Variants in TBX2 observed in about 807,000 individuals in gnomAD.
The protein encoded by TBX2 is T-box transcription factor 2, also known as T-box transcription factor TBX2.
A neutral mutation model predicts 48.4 loss-of-function variants in TBX2; 19 were observed. The observed-to-expected ratio is 0.39, with a 90% CI of 0.27 to 0.58. The LOEUF is 0.58. Among genes scored for constraint, TBX2 ranks in the 20% least tolerant of loss-of-function variants. TBX2 has a pLI of 0.54. For missense variants in TBX2, 994 were observed against 1,006.5 expected (o/e 0.99, Z 0.17); for synonymous variants, 522 against 459.7 (o/e 1.14, Z -1.73).
In TBX2 at chr17:61,408,188, C is replaced by A; in HGVS notation, c.1821C>A (p.Ser607=). 6.2e-7 allele frequency: 1 copy of A among 1,612,864 alleles called. No homozygotes were observed. Among genetic ancestry groups the A allele is most frequent in the Non-Finnish European group, 8.5e-7 (1 of 1,179,860 alleles). ...AAAAAAAGSL[S]RSPFLGSARP... ...CCGCCGCAGCCGCCGGCTCCCTCTC[C>A]CGGAGCCCCTTCCTGGGCAGTGCCC... Residue 607 remains serine, a synonymous_variant, in exon 7 of 7, where the codon TCC becomes TCA. Transcript: ENST00000240328.
intron 2 of TBX2, 144 bp downstream of exon 2, chr17:61,402,095 G>T: frequency 3.1e-6 from 4 of 1,273,318 alleles, no homozygotes; most frequent in Non-Finnish European, 4.2e-6. Flanking sequence ...ACTGCCCTGT[G>T]GTCTACGTGG....
rs2060273316 is a variant in TBX2 at position 61,403,374 on chromosome 17, G to A, written c.810+167G>A. Among the ~76,000 whole-genome samples, 1 of 152,248 alleles carries A rather than the reference G, an allele frequency of 6.6e-6. No homozygotes were observed. Among genetic ancestry groups the A allele is most frequent in the African/African-American group, 2.4e-5 (1 of 41,478 alleles). ...ATCCATACGCGCAGCACTCACGGAA[G>A]TCCTCAAGGCGCCCTCTCAATCCCA... On this transcript the variant is annotated intron_variant, in intron 3 of 6. Transcript: ENST00000240328. This position sits in a 1 kb window ranked among gnomAD's most constrained non-coding sequence, Gnocchi z 5.8.
Position 61,408,140 on chromosome 17 carries a change from C to G in TBX2, c.1773C>G (p.Pro591=), listed in dbSNP as rs61756219. ...AAAAAAASAL[P]ATSAAAAAAA... is the part of the protein sequence containing the mutation. ...CAGCCGCAGCCGCCTCGGCTTTGCC[C>G]GCCACTAGTGCTGCAGCTGCCGCCG... Residue 591 remains proline (P), a synonymous_variant, in exon 7 of 7, where the codon CCC becomes CCG. Transcript: ENST00000240328. 6,314 of 1,611,492 alleles carry G rather than the reference C, an allele frequency of 3.9e-3. 11 individuals carry two copies. Among genetic ancestry groups the G allele is most frequent in the Non-Finnish European group, 4.7e-3 (5,509 of 1,179,346 alleles).
intron 2 of TBX2, 134 bp from the exon 3 acceptor site, chr17:61,402,927 C>CGAGAGAGAGAGAGA (rs1569015300): frequency 1.5e-5 from 5 of 323,728 alleles, no homozygotes; most frequent in Middle Eastern, 5.6e-4. Context: ...GAGGAAGAAC[C>CGAGAGAGAGAGAGA]GATAGAGAGA....
chr17:61,408,585 A>G lies in TBX2; in HGVS notation c.*79A>G. 7.9e-7 allele frequency: 1 copy of G among 1,271,050 alleles called. No homozygotes were observed. Among genetic ancestry groups the G allele is most frequent in the Admixed American group, 3.6e-5 (1 of 27,524 alleles). The allele number at this position is 1,271,050 out of a possible 1,614,324, so 78.7% of individuals were successfully genotyped here. On this transcript the variant is annotated 3_prime_UTR_variant, in exon 7 of 7. Coordinates refer to ENST00000240328, the MANE Select transcript of TBX2 (RefSeq NM_005994.4). Reference sequence around the variant, plus strand: ...GCTGCTTGGGACGTGTACAGCACAGAATGAGTATTTATTTAAATAAAGGAG... The same window carrying G: ...GCTGCTTGGGACGTGTACAGCACAGGATGAGTATTTATTTAAATAAAGGAG...
At position 61,405,230 on chromosome 17, in the gene TBX2, C is replaced by A. The variant is rs773051493; in HGVS notation, c.1080C>A (p.Ser360Arg). 3.2e-6 allele frequency: 5 copies of A among 1,560,462 alleles called. No homozygotes were observed. Among genetic ancestry groups the A allele is most frequent in the South Asian group, 1.2e-5 (1 of 84,746 alleles). Residue 360 changes from serine to arginine, a missense_variant, in exon 6 of 7, where the codon AGC becomes AGA. Transcript: ENST00000240328. ...AGGAGAAGTCGTGCGCCGCGGACAG[C>A]GACCCGGAGCCTGAGCGGTTGAGCG... Reference protein sequence around the residue: ...RAEEKSCAADSDPEPERLSEE... With the variant: ...RAEEKSCAADRDPEPERLSEE...
In TBX2 at chr17:61,405,262, G is replaced by C. The variant is rs759112967; in HGVS notation, c.1112G>C (p.Arg371Pro). 3.2e-6 allele frequency: 5 copies of C among 1,571,580 alleles called. No individual in the cohort carries two copies. In the South Asian group the frequency reaches 5.8e-5, roughly 18 times the overall value. ...GAGCCTGAGCGGTTGAGCGAGGAGC[G>C]TGCGGGGGCGCCGCTAGGCCGCAGC... ...DPEPERLSEE[R>P]AGAPLGRSPA... The change falls in exon 6 of 7, where the codon CGT becomes CCT. Residue 371 changes from arginine (R) to proline (P), a missense_variant. By Grantham distance (103) the Arg-to-Pro change is moderately radical (BLOSUM62 -2). Transcript: ENST00000240328.
chr17:61,402,776 CTG>C (rs1427632971), intron 2 of TBX2, among the ~76,000 whole-genome samples: 1 of 150,484 alleles, frequency 6.6e-6, no homozygotes, highest in Admixed American at 6.6e-5. Flanking sequence ...TGTTTTTGCT[CTG>C]TCTCATTTCT....
In TBX2 at chr17:61,405,307, GC is replaced by G; in HGVS notation, c.1161del (p.Thr388LeufsTer3). On this transcript the variant is annotated frameshift_variant, in exon 6 of 7. Transcript: ENST00000240328. LOFTEE classifies it high-confidence loss of function. ...CGCAGCCCGGCTCCAGACAGCGCCAGCCCCACTCGCTTGACCGAACCCGAGC... is the reference window on the plus strand; with the variant it reads ...CGCAGCCCGGCTCCAGACAGCGCCAGCCCACTCGCTTGACCGAACCCGAGC... ...LGRSPAPDSA[S>X]PTRLTEPERA... The G allele has an allele frequency of 6.4e-7, 1 of 1,554,316 alleles. No individual in the cohort carries two copies.
chr17:61,405,740 G>A lies in TBX2; in HGVS notation c.1590G>A (p.Ala530=). The change falls in exon 6 of 7, where the codon GCG becomes GCA. Residue 530 remains alanine (A), a synonymous_variant. Coordinates refer to ENST00000240328, the MANE Select transcript of TBX2 (RefSeq NM_005994.4). Reference sequence around the variant, plus strand: ...GAGGTGGCGGGCCTGGGACCGCCGCGGGGCTGGACGCAGGCGGGCTGGGTC... The same window carrying A: ...GAGGTGGCGGGCCTGGGACCGCCGCAGGGCTGGACGCAGGCGGGCTGGGTC... ...NGGGGGPGTA[A]GLDAGGLGPA... is the part of the protein sequence containing the mutation. 7.4e-7 allele frequency: 1 copy of A among 1,351,568 alleles called. No individual in the cohort carries two copies. The highest frequency in any genetic ancestry group is 3.1e-5 in the East Asian group (1 of 32,570). 83.7% of individuals were successfully genotyped at this position (1,351,568 alleles called of 1,614,324 possible).
Position 61,400,578 on chromosome 17 carries a change from C to G in TBX2, c.395+7C>G. 6 of 1,537,516 alleles carry G rather than the reference C, an allele frequency of 3.9e-6. No homozygotes were observed. The highest frequency in any genetic ancestry group is 5.3e-6 in the Non-Finnish European group (6 of 1,139,182). On this transcript the variant is annotated splice_region_variant and intron_variant, in intron 1 of 6. Coordinates refer to ENST00000240328, the MANE Select transcript of TBX2 (RefSeq NM_005994.4). The surrounding 1 kb of genome is among the most constrained non-coding windows in gnomAD (Gnocchi z 9.2). ...TCATCACCAAGTCCGGGAGGTAGGG[C>G]TGCCGGCCGGCTGGAAGGCGCGCGG...
Position 61,405,611 on chromosome 17 carries a change from G to A in TBX2, c.1461G>A (p.Gln487=). Residue 487 remains glutamine, a synonymous_variant, in exon 6 of 7, where the codon CAG becomes CAA. Coordinates refer to ENST00000240328, the MANE Select transcript of TBX2 (RefSeq NM_005994.4). ...TCTTTGGGCCGCTGGGAGCCGGCCA[G>A]CCGCTCTTCCTGCACCCTGGACAGT... The part of the protein sequence containing the change: ...QQFFGPLGAG[Q]PLFLHPGQFT... 2 of 1,592,680 alleles carry A rather than the reference G, an allele frequency of 1.3e-6. No individual in the cohort carries two copies. The highest frequency in any genetic ancestry group is 8.5e-7 in the Non-Finnish European group (1 of 1,174,052).
chr17:61,403,672 G>A lies in TBX2; in HGVS notation c.810+465G>A, dbSNP rs1023227293. On this transcript the variant is annotated intron_variant, in intron 3 of 6. Transcript: ENST00000240328. This position sits in a 1 kb window ranked among gnomAD's most constrained non-coding sequence, Gnocchi z 5.8. ...GGGACAGGTGACACAGCCCCCCAAAGCACTCCTGGCTACTGCTCTGGGTCA... is the reference window on the plus strand; with the variant it reads ...GGGACAGGTGACACAGCCCCCCAAAACACTCCTGGCTACTGCTCTGGGTCA... 6.6e-6 allele frequency among the ~76,000 whole-genome samples: 1 copy of A among 152,002 alleles called. No homozygotes were observed. Among genetic ancestry groups the A allele is most frequent in the African/African-American group, 2.4e-5 (1 of 41,380 alleles).
In TBX2 at chr17:61,408,065, G is replaced by T. The variant is rs1288349046; in HGVS notation, c.1698G>T (p.Met566Ile). The change falls in exon 7 of 7, where the codon ATG becomes ATT. Residue 566 changes from methionine to isoleucine, a missense_variant. Met to Ile is a conservative substitution (Grantham distance 10). Transcript: ENST00000240328. ...QHMLASQGIPMPTFGGLFPYP... is the reference protein window; with the variant it reads ...QHMLASQGIPIPTFGGLFPYP... ...TCTGTTTCTTCCAGGGAATTCCAAT[G>T]CCCACTTTCGGAGGCCTCTTCCCCT... 6.3e-7 allele frequency: 1 copy of T among 1,583,200 alleles called. No homozygotes were observed.
chr17:61,403,019 C>CCGGGGCTG lies in TBX2; in HGVS notation c.664-41_664-34dup. 6.4e-7 allele frequency: 1 copy of CCGGGGCTG among 1,574,380 alleles called. No homozygotes were observed. Among genetic ancestry groups the CCGGGGCTG allele is most frequent in the African/African-American group, 1.4e-5 (1 of 71,034 alleles). On this transcript the variant is annotated intron_variant, in intron 2 of 6. Coordinates refer to ENST00000240328, the MANE Select transcript of TBX2 (RefSeq NM_005994.4). This position sits in a 1 kb window ranked among gnomAD's most constrained non-coding sequence, Gnocchi z 5.8. ...TACCCAAAGAATAGAAAAGCTCGGG[C>CCGGGGCTG]CGGGGCTGGTGGCTGCCGGCTGACC...
rs1401043279 is a variant in TBX2 at position 61,404,717 on chromosome 17, A to G, written c.999A>G (p.Pro333=). The G allele has an allele frequency of 6.4e-7, 1 of 1,559,250 alleles. No individual in the cohort carries two copies. The highest frequency in any genetic ancestry group is 8.7e-7 in the Non-Finnish European group (1 of 1,153,276). ...SSCDPPPARE[P]PTSPGAAPSP... ...GCGACCCTCCCCCCGCGCGGGAACC[A>G]CCCACCTCCCCGGGCGCAGCGCCCA... The change falls in exon 5 of 7, where the codon CCA becomes CCG. Residue 333 remains proline (P), a synonymous_variant. Coordinates refer to ENST00000240328, the MANE Select transcript of TBX2 (RefSeq NM_005994.4).
chr17:61,400,746 AC>A lies in TBX2; in HGVS notation c.395+177del, dbSNP rs1404706344. On this transcript the variant is annotated intron_variant, in intron 1 of 6. Transcript: ENST00000240328. This position sits in a 1 kb window ranked among gnomAD's most constrained non-coding sequence, Gnocchi z 9.2. ...ACCAAGTTGACTTTTCTCGTTTGGC[AC>A]CGGAGCGATTTTTTTTTAAAACAAA... Among the ~76,000 whole-genome samples the A allele has an allele frequency of 6.6e-6, 1 of 152,066 alleles. No individual in the cohort carries two copies. The highest frequency in any genetic ancestry group is 1.5e-5 in the Non-Finnish European group (1 of 68,000).
In TBX2 at chr17:61,403,012, G is replaced by A. The variant is rs765507332; in HGVS notation, c.664-49G>A. The A allele has an allele frequency of 1.9e-6, 3 of 1,551,972 alleles. No homozygotes were observed. Among genetic ancestry groups the A allele is most frequent in the African/African-American group, 2.9e-5 (2 of 69,356 alleles). On this transcript the variant is annotated intron_variant, in intron 2 of 6. Transcript: ENST00000240328. This position sits in a 1 kb window ranked among gnomAD's most constrained non-coding sequence, Gnocchi z 5.8. ...GGTCAGGTACCCAAAGAATAGAAAA[G>A]CTCGGGCCGGGGCTGGTGGCTGCCG... is the stretch of plus-strand genomic sequence containing the variant.
At chr17:61,402,320 C>T (rs2060266910) in intron 2 of TBX2, among the ~76,000 whole-genome samples, 1 of 152,208 alleles carries the variant, frequency 6.6e-6, no homozygotes, top group African/African-American at 2.4e-5. Flanking sequence ...GAAGACCTGC[C>T]CATGACCTCA....
Sources: gnomAD v4.1 joint callset for allele counts (sites outside exome capture counted in the v4.1 genomes callset) on GRCh38, gnomAD v4.1.1 for gene constraint, Gnocchi (gnomAD v3.1) non-coding constraint, MANE v1.5 for transcripts, NCBI Gene and HGNC (gene_info 2026-07-23, HGNC 2026-07-21) for gene names.